Variants in ADCK2 observed in about 807,000 individuals in gnomAD.
The protein encoded by ADCK2 is uncharacterized aarF domain-containing protein kinase 2.
Under a neutral mutation model 52.3 loss-of-function variants are expected in ADCK2, and 37 were observed. The ratio of observed to expected loss-of-function variants is 0.71; its 90% CI spans 0.54 to 0.93. The LOEUF (loss-of-function observed/expected upper bound fraction) is 0.93. Among genes scored for constraint, ADCK2 ranks in the 40% least tolerant of loss-of-function variants. The pLI, the probability that ADCK2 is intolerant of heterozygous loss-of-function variation, is 0.00. For synonymous variants in ADCK2, 321 were observed against 349.2 expected (o/e 0.92, Z 0.90); for missense variants, 695 against 798.7 (o/e 0.87, Z 1.56).
intron 4 of ADCK2, among the ~76,000 whole-genome samples, chr7:140,681,639 A>G (rs1337363277): frequency 6.7e-6 from 1 of 148,272 alleles, no homozygotes; most frequent in African/African-American, 2.5e-5. Context: ...CTTTTTTAAG[A>G]TAGGGTCTCA....
At position 140,672,991 on chromosome 7, in the gene ADCK2, G is replaced by T. The variant is rs1801654634; in HGVS notation, c.-340G>T. Among the ~76,000 whole-genome samples, 1 of 150,938 alleles carries T rather than the reference G, an allele frequency of 6.6e-6. No individual in the cohort carries two copies. Among genetic ancestry groups the T allele is most frequent in the African/African-American group, 2.4e-5 (1 of 41,248 alleles). ...TGGCCCCTGGGCGCACGGTGACCCT[G>T]CGGCTGCCCGGCCCCTGCCTCCGCC... On this transcript the variant is annotated 5_prime_UTR_variant, in exon 1 of 8. Coordinates refer to ENST00000072869, the MANE Select transcript of ADCK2 (RefSeq NM_052853.4).
chr7:140,682,231 G>T (rs974172929), intron 4 of ADCK2, among the ~76,000 whole-genome samples: 1 of 152,168 alleles, frequency 6.6e-6, no homozygotes, highest in African/African-American at 2.4e-5. Flanking sequence ...GGTACCAAAA[G>T]GTCATTTCGG....
chr7:140,689,781 G>C, intron 6 of ADCK2, 56 bp downstream of exon 6: 4 of 1,531,924 alleles, frequency 2.6e-6, no homozygotes, highest in Non-Finnish European at 3.5e-6. Context: ...GCCTGGGGCA[G>C]AGCAGATCCT....
At chr7:140,687,867 G>C (rs899192663) in intron 5 of ADCK2, among the ~76,000 whole-genome samples, 1 of 150,500 alleles carries the variant, frequency 6.6e-6, no homozygotes, top group African/African-American at 2.4e-5. Flanking sequence ...GACAGAGTGA[G>C]ATCTTAGTTT....
At chr7:140,692,949 T>G (rs1223274929) in intron 7 of ADCK2, among the ~76,000 whole-genome samples, 1 of 152,208 alleles carries the variant, frequency 6.6e-6, no homozygotes, top group African/African-American at 2.4e-5. Flanking sequence ...CCACCAACAG[T>G]ACACAAGGGG....
At chr7:140,684,300 T>G (rs1320922511) in intron 4 of ADCK2, among the ~76,000 whole-genome samples, 1 of 152,136 alleles carries the variant, frequency 6.6e-6, no homozygotes, top group Admixed American at 6.5e-5. Flanking sequence ...CCTCATAGGG[T>G]CACCATGATG....
chr7:140,680,167 A>C (rs1794492490), intron 3 of ADCK2, among the ~76,000 whole-genome samples: 1 of 150,392 alleles, frequency 6.6e-6, no homozygotes, highest in East Asian at 2.0e-4. Flanking sequence ...TTTTTTTGAG[A>C]CAAGGTCTTG....
intron 5 of ADCK2, among the ~76,000 whole-genome samples, chr7:140,687,843 A>G (rs1794632989): frequency 6.6e-6 from 1 of 150,790 alleles, no homozygotes; most frequent in Admixed American, 6.6e-5. Context: ...GCACTGCTCT[A>G]CTGCAGCCTG....
chr7:140,687,141 CGCT>C lies in ADCK2; in HGVS notation c.1460_1462del (p.Leu487del). On this transcript the variant is annotated inframe_deletion, in exon 5 of 8. Coordinates refer to ENST00000072869, the MANE Select transcript of ADCK2 (RefSeq NM_052853.4). ...GTGGCCGTGCCATCTTCCCTCTGCCCGCTGCGACTGGTGCTGCTGGATGCTGGC... is the reference window on the plus strand; with the variant it reads ...GTGGCCGTGCCATCTTCCCTCTGCCCGCGACTGGTGCTGCTGGATGCTGGC... 6.2e-7 allele frequency: 1 copy of C among 1,613,210 alleles called. No individual in the cohort carries two copies. Among genetic ancestry groups the C allele is most frequent in the African/African-American group, 1.3e-5 (1 of 75,044 alleles).
At chr7:140,682,636 C>T (rs2130785080) in intron 4 of ADCK2, among the ~76,000 whole-genome samples, 1 of 152,100 alleles carries the variant, frequency 6.6e-6, no homozygotes, top group Non-Finnish European at 1.5e-5. Context: ...ATAAAGTGCT[C>T]AGATCTTAAA....
chr7:140,689,582 C>T lies in ADCK2; in HGVS notation c.1558-15C>T, dbSNP rs377696986. The T allele has an allele frequency of 1.3e-5, 20 of 1,583,846 alleles. No homozygotes were observed. The highest frequency in any genetic ancestry group is 5.2e-5 in the Admixed American group (3 of 57,168). On this transcript the variant is annotated splice_polypyrimidine_tract_variant and intron_variant, in intron 5 of 7. Transcript: ENST00000072869. ...CTAGCTCCACTCCAAGTCCCTTTTC[C>T]GTTGCATTTTCCAGGGCCAGAGAGT...
At chr7:140,689,130 G>A (rs1043437652) in intron 5 of ADCK2, among the ~76,000 whole-genome samples, 3 of 151,874 alleles carry the variant, frequency 2.0e-5, no homozygotes, top group African/African-American at 7.3e-5. Context: ...ACCATGCCCG[G>A]CTAATTTTTG....
chr7:140,673,189 G>T lies in ADCK2; in HGVS notation c.-142G>T, dbSNP rs1332341585. 4.9e-6 allele frequency: 3 copies of T among 607,852 alleles called. No homozygotes were observed. The Admixed American group carries it at 1.3e-4, about 27-fold the overall frequency. The allele number at this position is 607,852 out of a possible 1,614,324, so 37.7% of individuals were successfully genotyped here. A position where few individuals can be genotyped will look rare whatever the true frequency, so the allele number is the denominator to read the frequency against. On this transcript the variant is annotated 5_prime_UTR_variant, in exon 1 of 8. Coordinates refer to ENST00000072869, the MANE Select transcript of ADCK2 (RefSeq NM_052853.4). This position sits in a 1 kb window ranked among gnomAD's most constrained non-coding sequence, Gnocchi z 6.4. Reference sequence around the variant, plus strand: ...CCGGCCTGAGGCCCGGCGAGGTGCTGGAGGGAGCGGGGCGCGGATCCGGCC... The same window carrying T: ...CCGGCCTGAGGCCCGGCGAGGTGCTTGAGGGAGCGGGGCGCGGATCCGGCC...
chr7:140,689,115 C>T (rs1794659252), intron 5 of ADCK2, among the ~76,000 whole-genome samples: 1 of 151,700 alleles, frequency 6.6e-6, no homozygotes, highest in Non-Finnish European at 1.5e-5. Flanking sequence ...TTACAGGTAC[C>T]CACCACCATG....
chr7:140,679,749 T>C (rs1425503339), intron 3 of ADCK2, among the ~76,000 whole-genome samples: 1 of 141,958 alleles, frequency 7.0e-6, no homozygotes, highest in Non-Finnish European at 1.5e-5. Flanking sequence ...CTCAGCTCAC[T>C]GCCACCTCCG....
chr7:140,675,849 C>G (rs929782244), intron 2 of ADCK2, among the ~76,000 whole-genome samples: 1 of 152,136 alleles, frequency 6.6e-6, no homozygotes, highest in Non-Finnish European at 1.5e-5. Context: ...TGCTCAGGGC[C>G]CTTGGGACCT....
intron 5 of ADCK2, among the ~76,000 whole-genome samples, chr7:140,688,200 T>G (rs950347227): frequency 6.6e-6 from 1 of 152,104 alleles, no homozygotes; most frequent in African/African-American, 2.4e-5. Flanking sequence ...CATGCCACCA[T>G]GCCCGGCCAC....
chr7:140,689,642 G>A lies in ADCK2; in HGVS notation c.1603G>A (p.Glu535Lys), dbSNP rs139275171. 2.2e-5 allele frequency: 35 copies of A among 1,612,800 alleles called. No individual in the cohort carries two copies. In the African/African-American group the frequency reaches 3.2e-4, roughly 15 times the overall value. The change falls in exon 6 of 8, where the codon GAG becomes AAG. Residue 535 changes from glutamate (E) to lysine (K), a missense_variant. Coordinates refer to ENST00000072869, the MANE Select transcript of ADCK2 (RefSeq NM_052853.4). Reference sequence around the variant, plus strand: ...GATCCTGCATCATGCCCGGGCCAGCGAGTGCAGGGACGTGGAGGGGTTCAA... The same window carrying A: ...GATCCTGCATCATGCCCGGGCCAGCAAGTGCAGGGACGTGGAGGGGTTCAA... ...ELILHHARAS[E>K]CRDVEGFKTE...
chr7:140,673,154 G>T lies in ADCK2; in HGVS notation c.-177G>T. 2.6e-6 allele frequency: 1 copy of T among 383,842 alleles called. No homozygotes were observed. The highest frequency in any genetic ancestry group is 4.7e-5 in the Admixed American group (1 of 21,082). The allele number at this position is 383,842 out of a possible 1,614,324, so 23.8% of individuals were successfully genotyped here. On this transcript the variant is annotated 5_prime_UTR_variant, in exon 1 of 8. Transcript: ENST00000072869. The surrounding 1 kb of genome is among the most constrained non-coding windows in gnomAD (Gnocchi z 6.4). ...CGCGGCGCGGCGGGTGTCGGGCGGG[G>T]CGCGGGCCTCCGGCCTGAGGCCCGG...
Sources: allele counts gnomAD v4.1 joint callset (sites outside exome capture counted in the v4.1 genomes callset), GRCh38; gene constraint gnomAD v4.1.1; non-coding constraint Gnocchi (gnomAD v3.1); transcripts MANE v1.5; gene names NCBI Gene and HGNC (gene_info 2026-07-23, HGNC 2026-07-21).